Variants in NEK7 observed in about 807,000 individuals in gnomAD.
NEK7 encodes NIMA related kinase 7, also known as serine/threonine-protein kinase Nek7.
A neutral mutation model predicts 44.6 loss-of-function variants in NEK7; 18 were observed. The observed-to-expected ratio is 0.40, with a 90% CI of 0.28 to 0.60. The LOEUF is 0.60. NEK7 is among the 20% of genes least tolerant of loss of function. The probability of loss-of-function intolerance (pLI) is 0.38; values close to 1 mark genes in which losing one functional copy is unlikely to be tolerated. For missense variants in NEK7, 256 were observed against 366.5 expected (o/e 0.70, Z 2.46); for synonymous variants, 130 against 121.1 (o/e 1.07, Z -0.48).
At chr1:198,305,362 T>C (rs1449911154) in intron 9 of NEK7, among the ~76,000 whole-genome samples, 1 of 152,162 alleles carries the variant, frequency 6.6e-6, no homozygotes, top group Non-Finnish European at 1.5e-5. Context: ...CATTGCACAG[T>C]ATTGGATAAA....
chr1:198,230,596 T>C (rs1331894835), intron 1 of NEK7, among the ~76,000 whole-genome samples: 1 of 151,918 alleles, frequency 6.6e-6, no homozygotes, highest in Admixed American at 6.6e-5. Context: ...ATTTAATACG[T>C]TTTTCCTAAG....
intron 3 of NEK7, among the ~76,000 whole-genome samples, chr1:198,253,748 G>A (rs16842605): frequency 0.2 from 30,173 of 151,902 alleles, 3,588 homozygotes; most frequent in African/African-American, 0.32. Flanking sequence ...CTGTCTTCTC[G>A]AATTCATTTA....
intron 9 of NEK7, among the ~76,000 whole-genome samples, chr1:198,317,410 C>T (rs1655401595): frequency 1.3e-5 from 2 of 152,180 alleles, no homozygotes; most frequent in Admixed American, 6.5e-5. Flanking sequence ...TGTCTTTCTC[C>T]CTTTTTGTTA....
chr1:198,239,839 T>C (rs552535220), intron 2 of NEK7, among the ~76,000 whole-genome samples: 5 of 152,168 alleles, frequency 3.3e-5, no homozygotes, highest in Non-Finnish European at 7.4e-5. Flanking sequence ...GCAAACACCA[T>C]AGAGTGCACT....
chr1:198,201,124 TG>T (rs1416909233), intron 1 of NEK7, among the ~76,000 whole-genome samples: 2 of 152,236 alleles, frequency 1.3e-5, no homozygotes, highest in African/African-American at 2.4e-5. Context: ...TTTCTACTTT[TG>T]TTTTTTTAAG....
intron 5 of NEK7, among the ~76,000 whole-genome samples, chr1:198,271,495 T>A (rs1011496094): frequency 3.3e-5 from 5 of 152,082 alleles, no homozygotes; most frequent in Admixed American, 3.3e-4. Context: ...TGGCTGTTTT[T>A]ACATTTGCAG....
At chr1:198,248,717 G>A (rs1033326594) in intron 2 of NEK7, among the ~76,000 whole-genome samples, 1 of 152,050 alleles carries the variant, frequency 6.6e-6, no homozygotes, top group Non-Finnish European at 1.5e-5. Context: ...AAATGATTAT[G>A]TATTTTTGTA....
chr1:198,250,757 T>C (rs1474047447), intron 2 of NEK7, among the ~76,000 whole-genome samples: 56 of 145,566 alleles, frequency 3.8e-4, no homozygotes, highest in African/African-American at 1.1e-3. Flanking sequence ...CTGAAGTTGC[T>C]TATCAGCTTA....
At chr1:198,157,362 A>C (rs1297827133) in intron 1 of NEK7, 86 bp downstream of exon 1, 1 of 152,158 alleles carries the variant, frequency 6.6e-6, no homozygotes, top group Non-Finnish European at 1.5e-5. Flanking sequence ...CGGGAGAGGG[A>C]GGTCGGGACC....
chr1:198,278,382 T>C (rs1654087236), intron 6 of NEK7, among the ~76,000 whole-genome samples: 2 of 151,528 alleles, frequency 1.3e-5, no homozygotes, highest in South Asian at 4.1e-4. Context: ...CATAACCACT[T>C]AGATTTTTAA....
chr1:198,206,764 C>A (rs1665611640), intron 1 of NEK7: 1 of 151,966 alleles, frequency 6.6e-6, no homozygotes, highest in Non-Finnish European at 1.5e-5. Flanking sequence ...TATCCAAAAG[C>A]TTATGTTTAA....
chr1:198,218,532 C>T (rs576439922), intron 1 of NEK7, among the ~76,000 whole-genome samples: 9 of 151,772 alleles, frequency 5.9e-5, no homozygotes, highest in Admixed American at 1.3e-4. Context: ...ATGATAAAGA[C>T]TCCAAAAACA....
intron 9 of NEK7, among the ~76,000 whole-genome samples, chr1:198,314,581 T>A (rs1655291053): frequency 6.6e-6 from 1 of 152,174 alleles, no homozygotes; most frequent in South Asian, 2.1e-4. Context: ...CTTTTGGTCT[T>A]TGATGATGGT....
intron 2 of NEK7, among the ~76,000 whole-genome samples, chr1:198,248,194 A>G (rs1666888704): frequency 6.6e-6 from 1 of 152,174 alleles, no homozygotes; most frequent in Non-Finnish European, 1.5e-5. Context: ...TGATAGTTTT[A>G]AATAGGCTTT....
At chr1:198,213,795 G>A (rs6428440) in intron 1 of NEK7, among the ~76,000 whole-genome samples, 20,968 of 152,050 alleles carry the variant, frequency 0.14, 2,118 homozygotes, top group East Asian at 0.57. Context: ...GTCAAGGGTG[G>A]GACCTCTGCC....
chr1:198,240,212 A>C (rs1012397167), intron 2 of NEK7, among the ~76,000 whole-genome samples: 1 of 152,248 alleles, frequency 6.6e-6, no homozygotes, highest in Non-Finnish European at 1.5e-5. Flanking sequence ...ACTTCAAAAT[A>C]TTTAAAGTGC....
chr1:198,307,717 T>C (rs1218699543), intron 9 of NEK7, among the ~76,000 whole-genome samples: 1 of 152,170 alleles, frequency 6.6e-6, no homozygotes, highest in Non-Finnish European at 1.5e-5. Flanking sequence ...ATAAACTATG[T>C]TACTTTCTCC....
At chr1:198,183,202 G>A (rs776961613) in intron 1 of NEK7, among the ~76,000 whole-genome samples, 14 of 152,114 alleles carry the variant, frequency 9.2e-5, no homozygotes, top group Admixed American at 2.0e-4. Context: ...AGGTTACATT[G>A]GTAGCCTGAA....
chr1:198,256,211 A>G, intron 3 of NEK7: 1 of 1,220,032 alleles, frequency 8.2e-7, no homozygotes, highest in Non-Finnish European at 1.1e-6. Context: ...ATGAGATACC[A>G]TCCAGAATCC....
Sources: allele counts gnomAD v4.1 joint callset (sites outside exome capture counted in the v4.1 genomes callset), GRCh38; gene constraint gnomAD v4.1.1; transcripts MANE v1.5; gene names NCBI Gene and HGNC (gene_info 2026-07-23, HGNC 2026-07-21).